Variants in BLTP3B observed in about 807,000 individuals in gnomAD.
BLTP3B encodes the protein bridge-like lipid transfer protein family member 3B, also known as UHRF1 (ICBP90) binding protein 1-like.
chr12:100,128,002 C>T, the BLTP3B span, among the ~76,000 whole-genome samples: 1 of 152,072 alleles, frequency 6.6e-6, no homozygotes, highest in Non-Finnish European at 1.5e-5. Context: ...AACAGAGCAA[C>T]ACCTTTTCCC....
At chr12:100,091,280 C>T in the BLTP3B span, among the ~76,000 whole-genome samples, 1,672 of 148,148 alleles carry the variant, frequency 0.011, 30 homozygotes, top group African/African-American at 0.039. Flanking sequence ...ACCTCTGCTT[C>T]CCAGTTCAAG....
chr12:100,086,374 G>A, the BLTP3B span: 216 of 608,050 alleles, frequency 3.6e-4, 3 homozygotes, highest in Non-Finnish European at 4.7e-4. Flanking sequence ...AAAAAAAAAG[G>A]GGGGGGGGGA....
At chr12:100,083,158 C>G in the BLTP3B span, 2 of 1,531,818 alleles carry the variant, frequency 1.3e-6, no homozygotes, top group Non-Finnish European at 1.8e-6. Flanking sequence ...AAACTCCTTT[C>G]AATTCATTGC....
the BLTP3B span, among the ~76,000 whole-genome samples, chr12:100,138,012 T>C: frequency 2.0e-5 from 3 of 152,218 alleles, no homozygotes; most frequent in African/African-American, 7.2e-5. Context: ...CTGGGAATTA[T>C]GGAAGATAGG....
chr12:100,109,159 CCTCTCTCTCTCTCT>C, the BLTP3B span, among the ~76,000 whole-genome samples: 4,997 of 65,348 alleles, frequency 0.076, 213 homozygotes, highest in African/African-American at 0.15. Context: ...TGGCAGTTTT[CCTCTCTCTCTCTCT>C]CTCTCTCTCT....
At chr12:100,039,349 CA>C in the BLTP3B span, among the ~76,000 whole-genome samples, 7 of 151,740 alleles carry the variant, frequency 4.6e-5, no homozygotes, top group African/African-American at 1.7e-4. Context: ...TTAATTTTTT[CA>C]AATAAAAAAT....
the BLTP3B span, among the ~76,000 whole-genome samples, chr12:100,117,945 T>C: frequency 6.6e-6 from 1 of 152,128 alleles, no homozygotes; most frequent in East Asian, 1.9e-4. Flanking sequence ...AAATCACAGA[T>C]TTATCGTGGA....
the BLTP3B span, among the ~76,000 whole-genome samples, chr12:100,130,203 G>T: frequency 6.6e-6 from 1 of 152,052 alleles, no homozygotes; most frequent in South Asian, 2.1e-4. Flanking sequence ...CAAGTGATGC[G>T]CCCGCCTTGG....
chr12:100,116,114 G>A, the BLTP3B span, among the ~76,000 whole-genome samples: 1 of 151,396 alleles, frequency 6.6e-6, no homozygotes. Context: ...AGAGGTTGCA[G>A]TGAGCCGAGA....
chr12:100,076,790 G>T, the BLTP3B span, among the ~76,000 whole-genome samples: 1 of 152,142 alleles, frequency 6.6e-6, no homozygotes, highest in African/African-American at 2.4e-5. Flanking sequence ...TGCATATATG[G>T]AAACAAATTC....
At chr12:100,040,037 TTA>T in the BLTP3B span, among the ~76,000 whole-genome samples, 3 of 127,862 alleles carry the variant, frequency 2.3e-5, no homozygotes, top group African/African-American at 9.9e-5. Flanking sequence ...ACATAATTTA[TTA>T]TGTTTTTATA....
At chr12:100,115,489 C>T in the BLTP3B span, among the ~76,000 whole-genome samples, 2 of 152,188 alleles carry the variant, frequency 1.3e-5, no homozygotes, top group Non-Finnish European at 2.9e-5. Context: ...TAAGTATAGG[C>T]CGGGCGTCGT....
the BLTP3B span, among the ~76,000 whole-genome samples, chr12:100,124,462 T>C: frequency 7.9e-3 from 1,191 of 150,172 alleles, 9 homozygotes; most frequent in Non-Finnish European, 0.012. Flanking sequence ...AAATAAAAAT[T>C]AGCTAGGCAT....
chr12:100,113,492 A>G, the BLTP3B span, among the ~76,000 whole-genome samples: 3 of 152,126 alleles, frequency 2.0e-5, no homozygotes, highest in African/African-American at 7.2e-5. Context: ...ACAAGAGGTA[A>G]AATGCTATCT....
the BLTP3B span, among the ~76,000 whole-genome samples, chr12:100,083,719 T>C: frequency 6.6e-6 from 1 of 151,708 alleles, no homozygotes; most frequent in Non-Finnish European, 1.5e-5. Flanking sequence ...AGTATCACAC[T>C]GTACCTCATA....
chr12:100,070,252 G>T, the BLTP3B span: 1 of 1,438,158 alleles, frequency 7.0e-7, no homozygotes, highest in Non-Finnish European at 9.1e-7. Flanking sequence ...ATGAAGATAG[G>T]ATTAAATGCC....
chr12:100,124,962 ATATATATATATATATATT>A, the BLTP3B span, among the ~76,000 whole-genome samples: 2 of 107,218 alleles, frequency 1.9e-5, no homozygotes, highest in African/African-American at 6.5e-5. Context: ...ATATATATAT[ATATATATATATATATATT>A]TATATTTATT....
the BLTP3B span, chr12:100,072,937 A>C: frequency 1.0e-6 from 1 of 971,892 alleles, no homozygotes; most frequent in South Asian, 2.0e-5. Context: ...TTTCCAGTGT[A>C]AACTTTATTA....
chr12:100,040,709 A>AAC, the BLTP3B span, among the ~76,000 whole-genome samples: 2 of 151,852 alleles, frequency 1.3e-5, no homozygotes, highest in African/African-American at 4.9e-5. Context: ...ACAACAACAA[A>AAC]AAAAAACTAT....
Sources: gnomAD v4.1 joint callset for allele counts (sites outside exome capture counted in the v4.1 genomes callset) on GRCh38, gnomAD v4.1.1 for gene constraint, MANE v1.5 for transcripts, NCBI Gene and HGNC (gene_info 2026-07-23, HGNC 2026-07-21) for gene names.